LUC7L: variants seen among roughly 807,000 people sequenced by gnomAD.
LUC7L encodes the protein putative RNA-binding protein Luc7-like 1.
LUC7L carries 29 observed loss-of-function variants against 51.1 expected under a neutral mutation model. The ratio of observed to expected loss-of-function variants is 0.57; its 90% confidence interval spans 0.42 to 0.77. LUC7L has a LOEUF of 0.77. Among genes scored for constraint, LUC7L ranks in the 30% least tolerant of loss-of-function variants. The pLI, the probability that LUC7L is intolerant of heterozygous loss-of-function variation, is 0.00. For synonymous variants in LUC7L, 181 were observed against 180.7 expected (o/e 1.00, Z -0.01); for missense variants, 403 against 511.9 (o/e 0.79, Z 2.05).
chr16:215,281 C>T (rs370554345), intron 3 of LUC7L, among the ~76,000 whole-genome samples: 18 of 151,586 alleles, frequency 1.2e-4, no homozygotes, highest in African/African-American at 4.4e-4. Context: ...AGGTCAGGAG[C>T]TTGAGACCAT....
chr16:192,502 CTTTTTTTT>C (rs398058029), intron 7 of LUC7L, among the ~76,000 whole-genome samples: 2 of 125,638 alleles, frequency 1.6e-5, no homozygotes, highest in Non-Finnish European at 3.2e-5. Flanking sequence ...ATGCTGTTTA[CTTTTTTTT>C]TTTTTTTTTT....
intron 5 of LUC7L, among the ~76,000 whole-genome samples, chr16:200,385 C>T (rs1435809682): frequency 6.7e-6 from 1 of 148,166 alleles, no homozygotes; most frequent in Non-Finnish European, 1.5e-5. Context: ...GATCATGCCA[C>T]TGGGCGAAAG....
chr16:209,781 C>A (rs1311690366), intron 3 of LUC7L: 1 of 152,126 alleles, frequency 6.6e-6, no homozygotes, highest in Non-Finnish European at 1.5e-5. Flanking sequence ...TAAACTGCTC[C>A]ACAATGGATT....
At chr16:225,036 A>T (rs2050091320) in intron 2 of LUC7L, among the ~76,000 whole-genome samples, 1 of 152,166 alleles carries the variant, frequency 6.6e-6, no homozygotes, top group Non-Finnish European at 1.5e-5. Flanking sequence ...GCAGAGCTGA[A>T]ATATCACATT....
At chr16:225,302 A>G (rs1006925237) in intron 2 of LUC7L, among the ~76,000 whole-genome samples, 1 of 151,800 alleles carries the variant, frequency 6.6e-6, no homozygotes, top group Non-Finnish European at 1.5e-5. Flanking sequence ...CCTGGTCAAC[A>G]TGGTGAAACC....
chr16:201,630 G>A (rs562800476), intron 5 of LUC7L, among the ~76,000 whole-genome samples: 3 of 151,714 alleles, frequency 2.0e-5, no homozygotes, highest in Admixed American at 6.6e-5. Flanking sequence ...TAGTAGAGAC[G>A]GAGTATCACC....
intron 6 of LUC7L, among the ~76,000 whole-genome samples, chr16:193,667 G>T (rs1375906301): frequency 6.6e-6 from 1 of 151,648 alleles, no homozygotes; most frequent in Non-Finnish European, 1.5e-5. Context: ...GCTAATTTTT[G>T]TATGTTTAGT....
chr16:223,597 G>A (rs1472557031), intron 2 of LUC7L, among the ~76,000 whole-genome samples: 1 of 152,034 alleles, frequency 6.6e-6, no homozygotes, highest in Non-Finnish European at 1.5e-5. Flanking sequence ...GACAATAGTG[G>A]TTCTAGAAGC....
At chr16:209,782 A>T (rs1242059839) in intron 3 of LUC7L, 1 of 152,214 alleles carries the variant, frequency 6.6e-6, no homozygotes, top group Non-Finnish European at 1.5e-5. Flanking sequence ...AAACTGCTCC[A>T]CAATGGATTA....
intron 2 of LUC7L, 85 bp from the exon 3 acceptor site, chr16:220,832 C>T (rs910398979): frequency 3.7e-6 from 3 of 821,706 alleles, no homozygotes; most frequent in Non-Finnish European, 6.2e-6. Flanking sequence ...TCAACTGTCA[C>T]CAACAGAAAT....
intron 2 of LUC7L, among the ~76,000 whole-genome samples, chr16:222,683 G>C (rs2050006879): frequency 6.7e-6 from 1 of 149,888 alleles, no homozygotes; most frequent in Non-Finnish European, 1.5e-5. Flanking sequence ...TTGTTGCCCA[G>C]ACTGTAGTGC....
intron 3 of LUC7L, among the ~76,000 whole-genome samples, chr16:215,438 G>A (rs1349314033): frequency 6.6e-6 from 1 of 151,920 alleles, no homozygotes; most frequent in East Asian, 1.9e-4. Context: ...GACCAGTATT[G>A]TAAAACCCCG....
At chr16:201,242 T>TTA (rs1491231094) in intron 5 of LUC7L, among the ~76,000 whole-genome samples, 26 of 78,506 alleles carry the variant, frequency 3.3e-4, no homozygotes, top group African/African-American at 1.3e-3. Context: ...GCTACATAAC[T>TTA]AAAAAAAAAA....
intron 3 of LUC7L, chr16:208,558 C>T: frequency 1.1e-6 from 1 of 942,808 alleles, no homozygotes; most frequent in Non-Finnish European, 1.3e-6. Flanking sequence ...GTGCTGGAGG[C>T]CCTCTTCTGG....
intron 7 of LUC7L, among the ~76,000 whole-genome samples, chr16:192,474 T>C (rs1292484990): frequency 6.6e-6 from 1 of 152,012 alleles, no homozygotes; most frequent in Non-Finnish European, 1.5e-5. Flanking sequence ...TGTTTTGTTT[T>C]GTTTTGTTGG....
intron 6 of LUC7L, among the ~76,000 whole-genome samples, chr16:194,457 C>CT (rs1246429320): frequency 6.6e-6 from 1 of 152,206 alleles, no homozygotes; most frequent in Non-Finnish European, 1.5e-5. Flanking sequence ...TGGTGCTATA[C>CT]TTCTAACTCA....
rs775550952 is a variant in LUC7L, at chr16:229,252, C to G, written c.61+27G>C. ...CCTCGCCTCACTCCCACCCCAGACC[C>G]TCGCCTGGTTGGCCGCTCTGACTCA... On this transcript the variant is annotated intron_variant, in intron 1 of 9. Transcript: ENST00000293872. 5.2e-6 allele frequency: 8 copies of G among 1,530,364 alleles called. No individual in the cohort carries two copies. In the South Asian group the frequency reaches 8.4e-5, roughly 16 times the overall value. The allele number at this position is 1,530,364 out of a possible 1,614,324, so 94.8% of individuals were successfully genotyped here.
rs368212957 is a variant in LUC7L at position 215,266 on chromosome 16, T to C, written c.255+5383A>G. Among the ~76,000 whole-genome samples, 14 of 152,092 alleles carry C rather than the reference T, an allele frequency of 9.2e-5. No homozygotes were observed. The East Asian group carries it at 2.7e-3, about 29-fold the overall frequency. ...ACTTTGGGAGAGTGAGGCGGGCAGA[T>C]CACAAGGTCAGGAGCTTGAGACCAT... On this transcript the variant is annotated intron_variant, in intron 3 of 9. Transcript: ENST00000293872.
At chr16:197,420 C>T (rs548273068) in intron 6 of LUC7L, among the ~76,000 whole-genome samples, 3 of 151,940 alleles carry the variant, frequency 2.0e-5, no homozygotes, top group Admixed American at 2.0e-4. Flanking sequence ...ACTATGTTGG[C>T]CAGGCTGGTC....
Sources: allele counts gnomAD v4.1 joint callset (sites outside exome capture counted in the v4.1 genomes callset), GRCh38; gene constraint gnomAD v4.1.1; transcripts MANE v1.5; gene names NCBI Gene and HGNC (gene_info 2026-07-23, HGNC 2026-07-21).